Variants in SOCS7 observed in about 807,000 individuals in gnomAD.
The protein encoded by SOCS7 is suppressor of cytokine signaling 7.
SOCS7 carries 18 observed loss-of-function variants against 58.9 expected under a neutral mutation model. That is an observed-to-expected ratio of 0.31 (90% CI 0.21 to 0.45). SOCS7 has a LOEUF of 0.45. Among genes scored for constraint, SOCS7 ranks in the 20% least tolerant of loss-of-function variants. The pLI is 1.00. For missense variants in SOCS7, 667 were observed against 837.3 expected (o/e 0.80, Z 2.51); for synonymous variants, 388 against 364.3 (o/e 1.06, Z -0.74).
chr17:38,359,457 A>G (rs936630079), intron 1 of SOCS7, among the ~76,000 whole-genome samples: 13 of 152,226 alleles, frequency 8.5e-5, no homozygotes, highest in African/African-American at 2.9e-4. Flanking sequence ...TCTTCATGGT[A>G]TGGTTTTAGA....
In SOCS7 at chr17:38,361,742, T is replaced by G; in HGVS notation, c.1012T>G (p.Phe338Val). The G allele has an allele frequency of 6.2e-7, 1 of 1,613,232 alleles. No individual in the cohort carries two copies. Among genetic ancestry groups the G allele is most frequent in the Non-Finnish European group, 8.5e-7 (1 of 1,179,464 alleles). ...KPKLTRTQSA[F>V]SPVSFSPLFT... ...CAAGTTGACAAGAACTCAAAGTGCCTTTTCTCCGGTCTCCTTCAGCCCCCT... is the reference window on the plus strand; with the variant it reads ...CAAGTTGACAAGAACTCAAAGTGCCGTTTCTCCGGTCTCCTTCAGCCCCCT... The change falls in exon 2 of 10, where the codon TTT becomes GTT. Residue 338 changes from phenylalanine (F) to valine (V), a missense_variant. Phe to Val is a conservative substitution (Grantham distance 50). Coordinates refer to ENST00000612932, the MANE Select transcript of SOCS7 (RefSeq NM_014598.4).
chr17:38,370,481 T>G (rs1454254036), intron 6 of SOCS7, among the ~76,000 whole-genome samples: 2 of 151,950 alleles, frequency 1.3e-5, no homozygotes, highest in Non-Finnish European at 2.9e-5. Flanking sequence ...GTGGGACTAG[T>G]GTGCATCACC....
rs1036766048 is a variant in SOCS7 at position 38,404,367 on chromosome 17, TCC to T, written c.*4887_*4888del. On this transcript the variant is annotated 3_prime_UTR_variant, in exon 10 of 10. Coordinates refer to ENST00000612932, the MANE Select transcript of SOCS7 (RefSeq NM_014598.4). Reference sequence around the variant, plus strand: ...AGGTGTCGCTCAGTTTCTTCCTGTTTCCCTTCCTGTCCTCTCCACACCTGCTA... The same window carrying T: ...AGGTGTCGCTCAGTTTCTTCCTGTTTCTTCCTGTCCTCTCCACACCTGCTA... The T allele has an allele frequency of 3.3e-5, 5 of 152,320 alleles. No homozygotes were observed. Among genetic ancestry groups the T allele is most frequent in the Non-Finnish European group, 7.3e-5 (5 of 68,122 alleles). The allele number at this position is 152,320 out of a possible 1,614,324, so 9.4% of individuals were successfully genotyped here.
intron 6 of SOCS7, among the ~76,000 whole-genome samples, chr17:38,368,506 C>T (rs74951988): frequency 2.1e-5 from 3 of 145,758 alleles, no homozygotes; most frequent in African/African-American, 5.0e-5. Flanking sequence ...GAATTTCTTT[C>T]TTTTTTTTTT....
At chr17:38,392,627 G>A (rs1206386945) in intron 7 of SOCS7, among the ~76,000 whole-genome samples, 5 of 152,238 alleles carry the variant, frequency 3.3e-5, no homozygotes, top group Non-Finnish European at 7.3e-5. Context: ...GAGAGGACCA[G>A]CCATGTGGGT....
Position 38,352,456 on chromosome 17 carries a change from C to G in SOCS7, c.404C>G (p.Pro135Arg). The change falls in exon 1 of 10, where the codon CCG (proline) becomes CGG (arginine). Residue 135 changes from proline (P) to arginine (R), a missense_variant. Pro to Arg is a moderately radical substitution (Grantham distance 103, BLOSUM62 -2). Around this residue, in one of 9 missense-constraint regions of SOCS7, gnomAD observed 154 missense variants for 156.3 expected, o/e 0.98. Transcript: ENST00000612932. The surrounding 1 kb of genome is among the most constrained non-coding windows in gnomAD (Gnocchi z 5.5). ...CTGGGGCTCGGGCAGCCGGCGGGGC[C>G]GGGGGTCAAGACAGTCGGTGGGGGT... is the stretch of plus-strand genomic sequence containing the variant. Reference protein sequence around the residue: ...AALGLGQPAGPGVKTVGGGCC... With the variant: ...AALGLGQPAGRGVKTVGGGCC... 1 of 1,469,480 alleles carries G rather than the reference C, an allele frequency of 6.8e-7. No individual in the cohort carries two copies. The highest frequency in any genetic ancestry group is 9.0e-7 in the Non-Finnish European group (1 of 1,111,488). 91.0% of individuals were successfully genotyped at this position (1,469,480 alleles called of 1,614,324 possible).
chr17:38,395,051 A>G (rs1446821108), intron 7 of SOCS7, among the ~76,000 whole-genome samples: 1 of 152,206 alleles, frequency 6.6e-6, no homozygotes, highest in Middle Eastern at 3.2e-3. Flanking sequence ...CCCTGTCTCA[A>G]AAAACAAAAC....
intron 6 of SOCS7, 100 bp downstream of exon 6, chr17:38,368,150 A>G: frequency 3.8e-6 from 4 of 1,061,460 alleles, no homozygotes; most frequent in Non-Finnish European, 5.4e-6. Flanking sequence ...TGGAACTACA[A>G]ATAGGGGAAA....
At chr17:38,379,504 CAACTT>C (rs1172933079) in intron 7 of SOCS7, among the ~76,000 whole-genome samples, 4 of 152,002 alleles carry the variant, frequency 2.6e-5, no homozygotes, top group African/African-American at 9.7e-5. Context: ...AAAAAAGAAA[CAACTT>C]AAAATGAGAA....
intron 7 of SOCS7, among the ~76,000 whole-genome samples, chr17:38,394,120 C>T (rs1414897618): frequency 6.6e-6 from 1 of 152,194 alleles, no homozygotes; most frequent in Admixed American, 6.5e-5. Context: ...TCCCTTGAAT[C>T]CCAGTGTTCC....
At chr17:38,380,952 GTTAC>G (rs1302395019) in intron 7 of SOCS7, among the ~76,000 whole-genome samples, 1 of 152,160 alleles carries the variant, frequency 6.6e-6, no homozygotes, top group Non-Finnish European at 1.5e-5. Context: ...CAAAAGTTAA[GTTAC>G]TTACTCTAAA....
intron 1 of SOCS7, among the ~76,000 whole-genome samples, chr17:38,359,164 G>A (rs1555567236): frequency 6.6e-6 from 1 of 152,198 alleles, no homozygotes; most frequent in Admixed American, 6.5e-5. Flanking sequence ...CAGCTTGGAA[G>A]CTCTTCAGCA....
chr17:38,357,732 A>T (rs114933818), intron 1 of SOCS7, among the ~76,000 whole-genome samples: 1 of 152,246 alleles, frequency 6.6e-6, no homozygotes, highest in Non-Finnish European at 1.5e-5. Context: ...GGGCAGAGGT[A>T]CATTGGAGCC....
At position 38,378,052 on chromosome 17, in the gene SOCS7, C is replaced by A. The variant is rs553559865; in HGVS notation, c.1681+210C>A. ...GAGGAGGAATCTTTGCTTCTCTAACCACGTGAATGAGAAAACTGCTTCCAC... is the reference window on the plus strand; with the variant it reads ...GAGGAGGAATCTTTGCTTCTCTAACAACGTGAATGAGAAAACTGCTTCCAC... On this transcript the variant is annotated intron_variant, in intron 7 of 9. Transcript: ENST00000612932. Among the ~76,000 whole-genome samples the A allele has an allele frequency of 2.0e-5, 3 of 152,270 alleles. No individual in the cohort carries two copies. The South Asian group carries it at 6.2e-4, about 32-fold the overall frequency.
intron 7 of SOCS7, among the ~76,000 whole-genome samples, chr17:38,385,998 G>A (rs764742959): frequency 1.3e-5 from 2 of 151,882 alleles, no homozygotes; most frequent in Non-Finnish European, 2.9e-5. Context: ...GGGCAGCATG[G>A]TAAGACCCTG....
intron 1 of SOCS7, among the ~76,000 whole-genome samples, chr17:38,357,326 G>A (rs2037653377): frequency 6.6e-6 from 1 of 152,108 alleles, no homozygotes; most frequent in Admixed American, 6.5e-5. Context: ...TGGGTTTTGG[G>A]TCCACACACT....
intron 6 of SOCS7, among the ~76,000 whole-genome samples, chr17:38,370,320 G>A (rs1482848867): frequency 6.6e-6 from 1 of 152,094 alleles, no homozygotes; most frequent in East Asian, 2.0e-4. Flanking sequence ...TTGTTAAAGG[G>A]ACTTTGCTTC....
intron 7 of SOCS7, among the ~76,000 whole-genome samples, chr17:38,384,766 A>G (rs561114314): frequency 7.4e-5 from 11 of 147,850 alleles, no homozygotes; most frequent in Non-Finnish European, 1.5e-5. Context: ...CTAATTTTTT[A>G]ATTTTTAGTA....
At chr17:38,378,519 A>G (rs899859972) in intron 7 of SOCS7, among the ~76,000 whole-genome samples, 1 of 152,162 alleles carries the variant, frequency 6.6e-6, no homozygotes, top group African/African-American at 2.4e-5. Context: ...GTCTCCCCCA[A>G]AAAAGAAAAA....
Sources: allele counts gnomAD v4.1 joint callset (sites outside exome capture counted in the v4.1 genomes callset), GRCh38; gene constraint gnomAD v4.1.1; regional missense constraint gnomAD v4.1.1; non-coding constraint Gnocchi (gnomAD v3.1); transcripts MANE v1.5; gene names NCBI Gene and HGNC (gene_info 2026-07-23, HGNC 2026-07-21).